Variants in TMEM117 observed in about 807,000 individuals in gnomAD.
TMEM117 encodes transmembrane protein 117.
TMEM117 carries 27 observed loss-of-function variants against 52.4 expected under a neutral mutation model. The ratio of observed to expected loss-of-function variants is 0.51; its 90% CI spans 0.38 to 0.71. The LOEUF (loss-of-function observed/expected upper bound fraction) is 0.71, where lower values mean the gene tolerates loss of function less well. Ranked by LOEUF, TMEM117 falls within the 30% of genes least tolerant of loss-of-function variation. TMEM117 has a pLI of 0.00. For synonymous variants in TMEM117, 215 were observed against 206.3 expected, an observed-to-expected ratio of 1.04 and a Z score of -0.36; for missense variants, 556 against 630.5, an observed-to-expected ratio of 0.88 and a Z score of 1.26.
At chr12:43,972,380 G>C (rs1336209271) in intron 3 of TMEM117, among the ~76,000 whole-genome samples, 2 of 152,206 alleles carry the variant, frequency 1.3e-5, no homozygotes, top group African/African-American at 2.4e-5. Flanking sequence ...GACCTTTGCG[G>C]TGAGTGTTAC....
chr12:44,305,871 C>T (rs1400089805), intron 6 of TMEM117, among the ~76,000 whole-genome samples: 1 of 150,518 alleles, frequency 6.6e-6, no homozygotes, highest in African/African-American at 2.4e-5. Flanking sequence ...GTTCATCCAG[C>T]CTAGGTGCCC....
intron 3 of TMEM117, among the ~76,000 whole-genome samples, chr12:43,948,832 GGA>G (rs1945175415): frequency 1.3e-5 from 2 of 152,118 alleles, no homozygotes; most frequent in Middle Eastern, 3.2e-3. Flanking sequence ...CCAAAGGTCA[GGA>G]AAAATCCCAG....
At chr12:44,210,067 A>G (rs1949624489) in intron 4 of TMEM117, among the ~76,000 whole-genome samples, 1 of 152,206 alleles carries the variant, frequency 6.6e-6, no homozygotes, top group Non-Finnish European at 1.5e-5. Flanking sequence ...TAAGCACAAG[A>G]GAAAAATTTA....
At chr12:44,046,343 T>C (rs1946880662) in intron 3 of TMEM117, among the ~76,000 whole-genome samples, 1 of 152,152 alleles carries the variant, frequency 6.6e-6, no homozygotes, top group Non-Finnish European at 1.5e-5. Context: ...GGAGTTTCAG[T>C]GTTGGCTGGG....
At chr12:44,307,949 G>T (rs759330040) in intron 6 of TMEM117, among the ~76,000 whole-genome samples, 11 of 152,230 alleles carry the variant, frequency 7.2e-5, no homozygotes, top group Non-Finnish European at 1.0e-4. Flanking sequence ...ACTTGAAAAT[G>T]AAACTAATGG....
At chr12:43,956,367 G>A (rs1168417035) in intron 3 of TMEM117, among the ~76,000 whole-genome samples, 1 of 152,074 alleles carries the variant, frequency 6.6e-6, no homozygotes, top group East Asian at 1.9e-4. Flanking sequence ...CTTATGGAAT[G>A]GGAGAAAATC....
At chr12:43,984,364 T>TAACAACAACAACAACAAC (rs3064367) in intron 3 of TMEM117, among the ~76,000 whole-genome samples, 4 of 146,108 alleles carry the variant, frequency 2.7e-5, no homozygotes, top group African/African-American at 7.6e-5. Context: ...TGAGACTCCG[T>TAACAACAACAACAACAAC]AACAACAACA....
chr12:43,999,027 A>G (rs984688569), intron 3 of TMEM117, among the ~76,000 whole-genome samples: 3 of 152,248 alleles, frequency 2.0e-5, no homozygotes, highest in African/African-American at 7.2e-5. Flanking sequence ...CTAAAATGAA[A>G]AAGACAATCT....
intron 2 of TMEM117, among the ~76,000 whole-genome samples, chr12:43,899,507 A>G (rs972513389): frequency 2.0e-5 from 3 of 152,206 alleles, no homozygotes; most frequent in African/African-American, 7.2e-5. Context: ...TTCTGAAGAA[A>G]CAGTAGTTTG....
At chr12:44,326,104 A>G (rs751638072) in intron 6 of TMEM117, among the ~76,000 whole-genome samples, 17 of 152,128 alleles carry the variant, frequency 1.1e-4, no homozygotes, top group Non-Finnish European at 2.2e-4. Context: ...CAGAGGTTGC[A>G]GTGAGCCAAA....
intron 3 of TMEM117, among the ~76,000 whole-genome samples, chr12:44,093,942 T>C (rs1372197478): frequency 1.3e-5 from 2 of 152,110 alleles, no homozygotes; most frequent in African/African-American, 4.8e-5. Context: ...TGATTTAATA[T>C]TGTTAATTTA....
chr12:44,373,771 C>CTTTT (rs142046499), intron 6 of TMEM117, among the ~76,000 whole-genome samples: 19 of 60,072 alleles, frequency 3.2e-4, no homozygotes, highest in Middle Eastern at 0.018. Flanking sequence ...TGTCCATTTC[C>CTTTT]TTTTTTTTTT....
chr12:43,999,297 T>C (rs550861266), intron 3 of TMEM117, among the ~76,000 whole-genome samples: 2 of 152,260 alleles, frequency 1.3e-5, no homozygotes, highest in South Asian at 2.1e-4. Flanking sequence ...TCCAAAAAGG[T>C]TTCTTTTAAA....
At chr12:44,152,781 G>T (rs1948769881) in intron 4 of TMEM117, among the ~76,000 whole-genome samples, 2 of 132,718 alleles carry the variant, frequency 1.5e-5, no homozygotes, top group Non-Finnish European at 1.6e-5. Context: ...ATATAAATAT[G>T]GTGTCACATA....
intron 6 of TMEM117, among the ~76,000 whole-genome samples, chr12:44,313,596 CT>C: frequency 6.6e-6 from 1 of 152,162 alleles, no homozygotes; most frequent in South Asian, 2.1e-4. Flanking sequence ...TTCAGGCTCT[CT>C]TTTGGTTCAA....
intron 5 of TMEM117, among the ~76,000 whole-genome samples, chr12:44,213,491 A>G (rs1452417190): frequency 6.6e-6 from 1 of 152,208 alleles, no homozygotes; most frequent in Non-Finnish European, 1.5e-5. Context: ...CTCTTAAAAC[A>G]ATATTTATTT....
At chr12:44,103,940 AC>A (rs1415547280) in intron 3 of TMEM117, among the ~76,000 whole-genome samples, 1 of 151,970 alleles carries the variant, frequency 6.6e-6, no homozygotes, top group Non-Finnish European at 1.5e-5. Flanking sequence ...GTTGAAGAGA[AC>A]TATGTAATGT....
chr12:44,040,905 A>G (rs183260321), intron 3 of TMEM117, among the ~76,000 whole-genome samples: 27 of 152,332 alleles, frequency 1.8e-4, no homozygotes, highest in African/African-American at 6.5e-4. Flanking sequence ...AAGATGTTCA[A>G]CATACCAAGA....
intron 6 of TMEM117, among the ~76,000 whole-genome samples, chr12:44,329,623 T>G (rs1408727560): frequency 6.6e-6 from 1 of 152,080 alleles, no homozygotes; most frequent in Non-Finnish European, 1.5e-5. Context: ...TTTTTTATCT[T>G]GTGACTCTGA....
Sources: allele counts gnomAD v4.1 joint callset (sites outside exome capture counted in the v4.1 genomes callset), GRCh38; gene constraint gnomAD v4.1.1; transcripts MANE v1.5; gene names NCBI Gene and HGNC (gene_info 2026-07-23, HGNC 2026-07-21).